COL5A2: variants seen among roughly 807,000 people sequenced by gnomAD.
COL5A2 encodes collagen type V alpha 2 chain, also known as collagen alpha-2(V) chain.
In COL5A2, 23 loss-of-function variants were observed where a neutral mutation model predicts 208.2. The ratio of observed to expected loss-of-function variants is 0.11; its 90% confidence interval spans 0.08 to 0.16. The LOEUF (loss-of-function observed/expected upper bound fraction) is 0.16, where lower values mean the gene tolerates loss of function less well. Ranked by LOEUF, COL5A2 falls within the 10% of genes least tolerant of loss-of-function variation. The pLI, the probability that COL5A2 is intolerant of heterozygous loss-of-function variation, is 1.00. For missense variants in COL5A2, 1,590 were observed against 1,956.4 expected, an observed-to-expected ratio of 0.81 and a Z score of 3.53; for synonymous variants, 625 against 628.5, an observed-to-expected ratio of 0.99 and a Z score of 0.08.
chr2:189,411,385 G>A, the COL5A2 span, among the ~76,000 whole-genome samples: 1,083 of 152,142 alleles, frequency 7.1e-3, 15 homozygotes, highest in African/African-American at 0.025. Flanking sequence ...CACAATACCT[G>A]AGATAGAATC....
intron 1 of COL5A2, among the ~76,000 whole-genome samples, chr2:189,224,141 T>G (rs2105881567): frequency 6.7e-6 from 1 of 149,992 alleles, no homozygotes; most frequent in East Asian, 2.0e-4. Flanking sequence ...TGTTTCCTGT[T>G]GTGAAGAGGT....
chr2:189,386,001 C>T, the COL5A2 span, among the ~76,000 whole-genome samples: 1 of 152,148 alleles, frequency 6.6e-6, no homozygotes, highest in Non-Finnish European at 1.5e-5. Flanking sequence ...TCATGTCTTA[C>T]ATGGTGGCAG....
chr2:189,304,121 T>A, the COL5A2 span, among the ~76,000 whole-genome samples: 1 of 152,194 alleles, frequency 6.6e-6, no homozygotes, highest in Non-Finnish European at 1.5e-5. Context: ...CCATTGCCTT[T>A]CTAATTAAGT....
intron 1 of COL5A2, among the ~76,000 whole-genome samples, chr2:189,160,234 AAAG>A (rs1688332533): frequency 6.6e-6 from 1 of 152,188 alleles, no homozygotes; most frequent in Non-Finnish European, 1.5e-5. Context: ...TGTATGCATA[AAAG>A]AAGTGGGAAT....
chr2:189,050,611 C>G lies in COL5A2; in HGVS notation c.2997G>C (p.Gly999=), dbSNP rs777896102. ...CGGGCATGCCTCTCTCTCCACGTTG[C>G]CCAGGCATGCCAACAATTCCTCTCT... ...TGQRGIVGMP[G]QRGERGMPGL... Residue 999 remains glycine, a synonymous_variant, in exon 43 of 54, where the codon GGG becomes GGC. Transcript: ENST00000374866. 1.9e-6 allele frequency: 3 copies of G among 1,552,234 alleles called. No individual in the cohort carries two copies. The highest frequency in any genetic ancestry group is 2.7e-5 in the African/African-American group (2 of 73,070).
rs148382043 is a variant in COL5A2, at chr2:189,155,625, C to T, written c.97+23883G>A. Among the ~76,000 whole-genome samples, 1,078 of 152,268 alleles carry T rather than the reference C, an allele frequency of 7.1e-3. 24 individuals are homozygous for T. The highest frequency in any genetic ancestry group is 7.2e-3 in the Non-Finnish European group (487 of 68,004). On this transcript the variant is annotated intron_variant, in intron 1 of 53. Transcript: ENST00000374866. Reference sequence around the variant, plus strand: ...GGACAGCACTGTTTCAGAATCCTATCCTGTTTTTAATTCCTTTATGGCACT... The same window carrying T: ...GGACAGCACTGTTTCAGAATCCTATTCTGTTTTTAATTCCTTTATGGCACT...
chr2:189,177,128 T>A (rs1035284240), intron 1 of COL5A2, among the ~76,000 whole-genome samples: 3 of 152,006 alleles, frequency 2.0e-5, no homozygotes, highest in Non-Finnish European at 4.4e-5. Flanking sequence ...CTTATTAATA[T>A]GCACTTACAT....
the COL5A2 span, among the ~76,000 whole-genome samples, chr2:189,357,255 G>C: frequency 6.6e-6 from 1 of 152,236 alleles, no homozygotes; most frequent in African/African-American, 2.4e-5. Flanking sequence ...ATCAGAACTC[G>C]AATGCTGTGC....
At chr2:189,386,219 A>C in the COL5A2 span, among the ~76,000 whole-genome samples, 1 of 152,182 alleles carries the variant, frequency 6.6e-6, no homozygotes, top group Admixed American at 6.5e-5. Flanking sequence ...AAGCAATATC[A>C]ATAAGAAAAA....
At chr2:189,436,887 T>C in the COL5A2 span, among the ~76,000 whole-genome samples, 2 of 152,060 alleles carry the variant, frequency 1.3e-5, no homozygotes, top group African/African-American at 2.4e-5. Context: ...TCAGGAAGAA[T>C]AGCTAATTTG....
the COL5A2 span, among the ~76,000 whole-genome samples, chr2:189,344,820 C>G: frequency 6.6e-6 from 1 of 152,212 alleles, no homozygotes; most frequent in Non-Finnish European, 1.5e-5. Context: ...GACCAAGACT[C>G]ACCTCCAGCC....
chr2:189,205,869 A>T (rs774684987), intron 1 of COL5A2, among the ~76,000 whole-genome samples: 1 of 152,192 alleles, frequency 6.6e-6, no homozygotes, highest in Non-Finnish European at 1.5e-5. Flanking sequence ...TTATTAGAAA[A>T]ATTGGTGGAA....
chr2:189,195,628 T>A (rs2105850778), intron 1 of COL5A2, among the ~76,000 whole-genome samples: 1 of 152,108 alleles, frequency 6.6e-6, no homozygotes, highest in African/African-American at 2.4e-5. Flanking sequence ...TATAGACCAA[T>A]GGATCAGAAC....
the COL5A2 span, among the ~76,000 whole-genome samples, chr2:189,401,053 C>CTTTT: frequency 6.6e-6 from 1 of 151,612 alleles, no homozygotes; most frequent in Non-Finnish European, 1.5e-5. Context: ...TCATTCTTTT[C>CTTTT]TTATTTCCAA....
intron 20 of COL5A2, 24 bp downstream of exon 20, chr2:189,068,202 A>C (rs1362977575): frequency 1.2e-6 from 2 of 1,612,822 alleles, no homozygotes; most frequent in African/African-American, 2.7e-5. Flanking sequence ...TTTGAGCTTC[A>C]CATGCCATAA....
intron 12 of COL5A2, among the ~76,000 whole-genome samples, chr2:189,081,713 AC>A (rs1686538350): frequency 1.3e-5 from 2 of 152,170 alleles, no homozygotes; most frequent in South Asian, 4.1e-4. Context: ...TGGTTTCTTG[AC>A]TAAATAATTA....
chr2:189,079,120 G>A lies in COL5A2; in HGVS notation c.961-13C>T, dbSNP rs1301082060. On this transcript the variant is annotated splice_polypyrimidine_tract_variant and intron_variant, in intron 14 of 53. Coordinates refer to ENST00000374866, the MANE Select transcript of COL5A2 (RefSeq NM_000393.5). ...GGCCAGCTTCACCCTAAAAAAAAAT[G>A]AGAATACATTACAGTATGAGAAGCC... The A allele has an allele frequency of 6.2e-7, 1 of 1,602,940 alleles. No individual in the cohort carries two copies. The highest frequency in any genetic ancestry group is 8.5e-7 in the Non-Finnish European group (1 of 1,170,284).
chr2:189,286,378 T>TA, the COL5A2 span, among the ~76,000 whole-genome samples: 2 of 152,158 alleles, frequency 1.3e-5, no homozygotes, highest in Non-Finnish European at 2.9e-5. Context: ...AGAAATAACT[T>TA]ACAGTGAATG....
chr2:189,172,692 AC>A (rs1308050957), intron 1 of COL5A2, among the ~76,000 whole-genome samples: 1 of 152,116 alleles, frequency 6.6e-6, no homozygotes, highest in Non-Finnish European at 1.5e-5. Flanking sequence ...ATAGACTACA[AC>A]GAGGCTATGA....
Sources: gnomAD v4.1 joint callset for allele counts (sites outside exome capture counted in the v4.1 genomes callset) on GRCh38, gnomAD v4.1.1 for gene constraint, MANE v1.5 for transcripts, NCBI Gene and HGNC (gene_info 2026-07-23, HGNC 2026-07-21) for gene names.